The following KAZN variants were observed in gnomAD, a reference collection of about 807,000 sequenced individuals.
KAZN encodes kazrin, periplakin interacting protein, also known as kazrin.
KAZN carries 40 observed loss-of-function variants against 87.4 expected under a neutral mutation model. That is an observed-to-expected ratio of 0.46 (90% CI 0.36 to 0.60). The LOEUF (loss-of-function observed/expected upper bound fraction) is 0.60, where lower values mean the gene tolerates loss of function less well. KAZN is among the 20% of genes least tolerant of loss of function. The pLI is 0.00. For synonymous variants in KAZN, 466 were observed against 458.3 expected (o/e 1.02, Z -0.22); for missense variants, 898 against 1,073.9 (o/e 0.84, Z 2.29).
rs1214105955 is a variant in KAZN at position 14,087,654 on chromosome 1, T to TTA, written c.92-92780_92-92779insAT. On this transcript the variant is annotated intron_variant, in intron 1 of 16. Transcript: ENST00000636203. ...TATTCTTATTTTGCTGAGAGTTTTTTTTATCAAGAGTGGCTGTTAAAATTT... is the reference window on the plus strand; with the variant it reads ...TATTCTTATTTTGCTGAGAGTTTTTTTATTATCAAGAGTGGCTGTTAAAATTT... Among the ~76,000 whole-genome samples, 991 of 152,184 alleles carry TTA rather than the reference T, an allele frequency of 6.5e-3. 10 individuals are homozygous for TTA. The South Asian group carries it at 0.066, about 10-fold the overall frequency.
intron 2 of KAZN, among the ~76,000 whole-genome samples, chr1:14,255,665 A>G (rs964701768): frequency 2.0e-4 from 31 of 152,230 alleles, no homozygotes; most frequent in African/African-American, 6.3e-4. Context: ...GACTTCCACA[A>G]TGGTCATGGG....
intron 2 of KAZN, among the ~76,000 whole-genome samples, chr1:14,548,385 G>A (rs1428834498): frequency 6.6e-6 from 1 of 152,026 alleles, no homozygotes; most frequent in African/African-American, 2.4e-5. Flanking sequence ...TTTTAGTAGA[G>A]ACAGGCTTTT....
At chr1:15,082,071 T>C (rs560320982) in intron 8 of KAZN, among the ~76,000 whole-genome samples, 9 of 152,090 alleles carry the variant, frequency 5.9e-5, no homozygotes, top group East Asian at 1.9e-4. Flanking sequence ...TCAGGAGTGA[T>C]GGAATTCAGC....
At chr1:15,100,915 G>C (rs145906121) in intron 10 of KAZN, among the ~76,000 whole-genome samples, 50 of 152,270 alleles carry the variant, frequency 3.3e-4, no homozygotes, top group African/African-American at 1.1e-3. Context: ...GGGGAGGGAT[G>C]CGCCGATCAG....
intron 2 of KAZN, among the ~76,000 whole-genome samples, chr1:14,400,891 G>A (rs1281437201): frequency 2.6e-5 from 4 of 152,238 alleles, no homozygotes; most frequent in East Asian, 3.8e-4. Flanking sequence ...TGCCGTGTGT[G>A]TATGTGCATG....
chr1:14,369,211 C>T (rs1167837319), intron 2 of KAZN, among the ~76,000 whole-genome samples: 1 of 152,116 alleles, frequency 6.6e-6, no homozygotes, highest in Non-Finnish European at 1.5e-5. Flanking sequence ...GAAATGTTCT[C>T]GATTTTGTGT....
At chr1:14,249,480 T>C (rs1455915240) in intron 2 of KAZN, among the ~76,000 whole-genome samples, 2 of 152,188 alleles carry the variant, frequency 1.3e-5, no homozygotes, top group African/African-American at 2.4e-5. Flanking sequence ...GTGAATCTAG[T>C]ACTACAAGAT....
At chr1:14,699,706 G>A (rs890859594) in intron 1 of KAZN, among the ~76,000 whole-genome samples, 11 of 152,192 alleles carry the variant, frequency 7.2e-5, no homozygotes, top group Admixed American at 2.6e-4. Context: ...TGACAAGAAC[G>A]AACCAGCCAG....
intron 1 of KAZN, among the ~76,000 whole-genome samples, chr1:14,002,084 A>G (rs6688293): frequency 6.6e-6 from 1 of 151,830 alleles, no homozygotes; most frequent in African/African-American, 2.4e-5. Context: ...ATGGGAAAAA[A>G]TTTTTGCAAT....
At position 13,971,416 on chromosome 1, in the gene KAZN, A is replaced by G. The variant is rs556898135; in HGVS notation, c.91+77660A>G. 3.9e-5 allele frequency among the ~76,000 whole-genome samples: 6 copies of G among 152,298 alleles called. No homozygotes were observed. In the East Asian group the frequency reaches 1.2e-3, roughly 29 times the overall value. The stretch of plus-strand genomic sequence containing the variant: ...TCAACGGGCATTGAATTGGAGGTTC[A>G]ATAATTGGGGTCACTAATACTATCA... On this transcript the variant is annotated intron_variant, in intron 1 of 16. Transcript: ENST00000636203.
At chr1:14,073,083 A>G (rs1403290717) in intron 1 of KAZN, among the ~76,000 whole-genome samples, 1 of 152,220 alleles carries the variant, frequency 6.6e-6, no homozygotes, top group African/African-American at 2.4e-5. Context: ...GTGGAGAAGA[A>G]CGCACATCTC....
chr1:14,950,359 G>A (rs1291597533), intron 1 of KAZN, among the ~76,000 whole-genome samples: 1 of 152,086 alleles, frequency 6.6e-6, no homozygotes, highest in Non-Finnish European at 1.5e-5. Context: ...AATGGGGACA[G>A]AGGTGGTTCA....
At position 14,820,360 on chromosome 1, in the gene KAZN, T is replaced by A. The variant is rs1646703628; in HGVS notation, c.227-140324T>A. On this transcript the variant is annotated intron_variant, in intron 1 of 14. Coordinates refer to ENST00000376030, the MANE Select transcript of KAZN (RefSeq NM_201628.3). The surrounding 1 kb of genome is among the most constrained non-coding windows in gnomAD (Gnocchi z 4.1). ...CTCTGTTCCCGGAGCCATCTGCCAA[T>A]TTCAAGTGCCACATCATCTGGGTAT... Among the ~76,000 whole-genome samples the A allele has an allele frequency of 6.6e-6, 1 of 152,240 alleles. No individual in the cohort carries two copies. Among genetic ancestry groups the A allele is most frequent in the South Asian group, 2.1e-4 (1 of 4,830 alleles).
chr1:14,137,382 A>G (rs1645131093), intron 1 of KAZN, among the ~76,000 whole-genome samples: 1 of 152,176 alleles, frequency 6.6e-6, no homozygotes. Context: ...TGCTCTTCCC[A>G]ATATGGATCA....
chr1:14,061,082 G>A (rs551768868), intron 1 of KAZN, among the ~76,000 whole-genome samples: 38 of 152,326 alleles, frequency 2.5e-4, no homozygotes, highest in Admixed American at 1.8e-3. Context: ...GTCCGAGAAG[G>A]GGAGGACCAG....
intron 2 of KAZN, among the ~76,000 whole-genome samples, chr1:14,521,746 G>A (rs967415549): frequency 8.5e-5 from 13 of 152,156 alleles, no homozygotes; most frequent in Admixed American, 6.5e-4. Flanking sequence ...TGAAAACTGG[G>A]GAAAGGGAGG....
intron 2 of KAZN, among the ~76,000 whole-genome samples, chr1:14,253,813 C>G (rs1307618769): frequency 6.6e-6 from 1 of 152,008 alleles, no homozygotes; most frequent in Non-Finnish European, 1.5e-5. Flanking sequence ...TGCTTTCTTT[C>G]ATTTCATAGA....
chr1:14,730,443 C>A (rs1557431533), intron 1 of KAZN, among the ~76,000 whole-genome samples: 1 of 152,214 alleles, frequency 6.6e-6, no homozygotes, highest in Non-Finnish European at 1.5e-5. Flanking sequence ...CTTCTTACCA[C>A]ATGTCCTTGA....
rs757288191 is a variant in KAZN at position 15,092,201 on chromosome 1, C to A, written c.1223-1979C>A. 2.0e-5 allele frequency among the ~76,000 whole-genome samples: 3 copies of A among 150,938 alleles called. No individual in the cohort carries two copies. In the East Asian group the frequency reaches 5.8e-4, roughly 29 times the overall value. ...AAGCGATTCTCCTGCCTCAGCCTCC[C>A]GAGTAGCTGGGATTACAGGCATATG... On this transcript the variant is annotated intron_variant, in intron 8 of 14. Transcript: ENST00000376030.
Sources: gnomAD v4.1 joint callset for allele counts (sites outside exome capture counted in the v4.1 genomes callset) on GRCh38, gnomAD v4.1.1 for gene constraint, Gnocchi (gnomAD v3.1) non-coding constraint, MANE v1.5 for transcripts, NCBI Gene and HGNC (gene_info 2026-07-23, HGNC 2026-07-21) for gene names.